Variants in SMAD9 observed in about 807,000 individuals in gnomAD.
The protein encoded by SMAD9 is SMAD family member 9.
SMAD9 carries 36 observed loss-of-function variants against 46.1 expected under a neutral mutation model. The ratio of observed to expected loss-of-function variants is 0.78; its 90% CI spans 0.60 to 1.03. The LOEUF (loss-of-function observed/expected upper bound fraction) is 1.03. SMAD9 is among the 50% of genes least tolerant of loss of function. The pLI is 0.00. For missense variants in SMAD9, 572 were observed against 599.8 expected (o/e 0.95, Z 0.48); for synonymous variants, 245 against 237.1 (o/e 1.03, Z -0.31).
Position 36,891,305 on chromosome 13 carries a change from C to T in SMAD9, c.-186-11430G>A, listed in dbSNP as rs514439. ...CAGTCAACAAGTATTTATTGAGACT[C>T]TATCATGCACTGGGTGCTGTGGCAT... On this transcript the variant is annotated intron_variant, in intron 1 of 6. Transcript: ENST00000379826. Among the ~76,000 whole-genome samples, 1,075 of 152,288 alleles carry T rather than the reference C, an allele frequency of 7.1e-3. 12 individuals carry two copies. Among genetic ancestry groups the T allele is most frequent in the African/African-American group, 0.025 (1,034 of 41,534 alleles).
chr13:36,872,851 C>T lies in SMAD9; in HGVS notation c.477G>A (p.Lys159=), dbSNP rs2058309343. The change falls in exon 3 of 7, where the codon AAG becomes AAA. Residue 159 remains lysine, a synonymous_variant. Coordinates refer to ENST00000379826, the MANE Select transcript of SMAD9 (RefSeq NM_001127217.3). ...EYNPQLSLLA[K]FRSASLHSEP... ...CACTGTGCAGGGAGGCGCTGCGGAA[C>T]TTGGCCAGGAGGCTGAGCTGGGGGT... 1 of 1,614,102 alleles carries T rather than the reference C, an allele frequency of 6.2e-7. No individual in the cohort carries two copies. Among genetic ancestry groups the T allele is most frequent in the Non-Finnish European group, 8.5e-7 (1 of 1,180,018 alleles).
rs1015971127 is a variant in SMAD9, at chr13:36,844,840, A to G, written c.*3836T>C. 2.0e-5 allele frequency: 3 copies of G among 152,230 alleles called. No homozygotes were observed. The highest frequency in any genetic ancestry group is 7.2e-5 in the African/African-American group (3 of 41,466). The allele number at this position is 152,230 out of a possible 1,614,324, so 9.4% of individuals were successfully genotyped here. Reference sequence around the variant, plus strand: ...AATGAGCCAAAAGACATATAAGTACAGTATTCTTTATTATAAACAATCAGA... The same window carrying G: ...AATGAGCCAAAAGACATATAAGTACGGTATTCTTTATTATAAACAATCAGA... On this transcript the variant is annotated 3_prime_UTR_variant, in exon 7 of 7. Coordinates refer to ENST00000379826, the MANE Select transcript of SMAD9 (RefSeq NM_001127217.3).
chr13:36,902,564 C>T (rs2058585258), intron 1 of SMAD9, among the ~76,000 whole-genome samples: 2 of 152,096 alleles, frequency 1.3e-5, no homozygotes, highest in African/African-American at 4.8e-5. Flanking sequence ...AGCGATTCTC[C>T]TGCCTCAGCC....
chr13:36,854,052 G>A (rs1181018499), intron 5 of SMAD9, among the ~76,000 whole-genome samples: 1 of 152,066 alleles, frequency 6.6e-6, no homozygotes, highest in South Asian at 2.1e-4. Context: ...CCAGCTACTC[G>A]GGAGGCTCAG....
intron 1 of SMAD9, among the ~76,000 whole-genome samples, chr13:36,917,145 A>G (rs986792818): frequency 6.6e-6 from 1 of 152,074 alleles, no homozygotes; most frequent in Non-Finnish European, 1.5e-5. Flanking sequence ...AGCAAGAAGA[A>G]CATCCAGTTT....
In SMAD9 at chr13:36,868,608, T is replaced by C. The variant is rs533037332; in HGVS notation, c.671-1225A>G. Among the ~76,000 whole-genome samples the C allele has an allele frequency of 7.9e-5, 12 of 152,180 alleles. No individual in the cohort carries two copies. In the East Asian group the frequency reaches 2.1e-3, roughly 27 times the overall value. ...TAAAAATTAGCTGGGCATGGTGGTG[T>C]ACACCTGTAATCCTAGCTACTCAGA... On this transcript the variant is annotated intron_variant, in intron 3 of 6. Coordinates refer to ENST00000379826, the MANE Select transcript of SMAD9 (RefSeq NM_001127217.3).
intron 1 of SMAD9, among the ~76,000 whole-genome samples, chr13:36,919,121 T>G (rs991988739): frequency 3.3e-5 from 5 of 152,232 alleles, no homozygotes; most frequent in African/African-American, 1.2e-4. Flanking sequence ...TTGTATCCTT[T>G]GTAGGTTAGT....
rs529807504 is a variant in SMAD9 at position 36,891,693 on chromosome 13, T to C, written c.-186-11818A>G. 3.9e-4 allele frequency among the ~76,000 whole-genome samples: 59 copies of C among 152,262 alleles called. 1 individual carries two copies. The South Asian group carries it at 8.5e-3, about 22-fold the overall frequency. On this transcript the variant is annotated intron_variant, in intron 1 of 6. Transcript: ENST00000379826. Reference sequence around the variant, plus strand: ...GTTCCCTAGGTCAGAGCTGGATGGATCCTAGGGCATAAGCTCAAGCTAATC... The same window carrying C: ...GTTCCCTAGGTCAGAGCTGGATGGACCCTAGGGCATAAGCTCAAGCTAATC...
chr13:36,879,606 A>G lies in SMAD9; in HGVS notation c.84T>C (p.Asp28=), dbSNP rs1413082158. Residue 28 remains aspartate (D), a synonymous_variant, in exon 2 of 7, where the codon GAT becomes GAC. Transcript: ENST00000379826. ...CCTTCTCTGCCCACTTTTCCTCTTC[A>G]TCTCCTTGCTTCCAGCCTAGCAGTC... ...VKRLLGWKQG[D]EEEKWAEKAV... is the part of the protein sequence containing the mutation. 6.2e-7 allele frequency: 1 copy of G among 1,613,858 alleles called. No homozygotes were observed. Among genetic ancestry groups the G allele is most frequent in the Non-Finnish European group, 8.5e-7 (1 of 1,180,012 alleles).
rs537806576 is a variant in SMAD9, at chr13:36,848,919, G to A, written c.1261-100C>T. On this transcript the variant is annotated intron_variant, in intron 6 of 6. Coordinates refer to ENST00000379826, the MANE Select transcript of SMAD9 (RefSeq NM_001127217.3). ...CGGGGCACAGAGCCCACACCCCAGC[G>A]TAGCTCCTGAGACCTGAGAGGGAGA... The A allele has an allele frequency of 2.7e-4, 315 of 1,186,166 alleles. 2 individuals are homozygous for A. The highest frequency in any genetic ancestry group is 1.7e-3 in the South Asian group (131 of 76,556). The allele number at this position is 1,186,166 out of a possible 1,614,324, so 73.5% of individuals were successfully genotyped here.
intron 4 of SMAD9, among the ~76,000 whole-genome samples, chr13:36,866,166 A>C (rs967530273): frequency 6.6e-6 from 1 of 152,168 alleles, no homozygotes. Flanking sequence ...TACTGTGCCC[A>C]CTTGAATCCT....
intron 4 of SMAD9, among the ~76,000 whole-genome samples, chr13:36,866,558 G>T (rs2058236653): frequency 6.6e-6 from 1 of 152,062 alleles, no homozygotes; most frequent in Non-Finnish European, 1.5e-5. Context: ...TCTAGAGTGT[G>T]TTCCTATATG....
intron 5 of SMAD9, among the ~76,000 whole-genome samples, chr13:36,858,420 C>T (rs12872221): frequency 0.022 from 3,335 of 152,266 alleles, 86 homozygotes; most frequent in South Asian, 0.12. Flanking sequence ...GAGGAAGAGG[C>T]ACCTTTTCCT....
upstream of SMAD9, chr13:36,920,347 G>C (rs1342571065): frequency 6.7e-6 from 1 of 149,730 alleles, no homozygotes; most frequent in Non-Finnish European, 1.5e-5. Context: ...GGCCGCTCCG[G>C]GAGCCGCAGA....
chr13:36,887,602 T>C (rs1360178539), intron 1 of SMAD9, among the ~76,000 whole-genome samples: 1 of 152,012 alleles, frequency 6.6e-6, no homozygotes, highest in Non-Finnish European at 1.5e-5. Flanking sequence ...GAAAACAATG[T>C]AGAAGGACAG....
Position 36,920,184 on chromosome 13 carries a change from A to AGCAGCGGCG in SMAD9, c.-264_-256dup, listed in dbSNP as rs1555247350. ...CGGCGGGGACCGAGACAGCGGCTGC[A>AGCAGCGGCG]GCAGCGGCGGCGGCGGCGGCGGCGG... On this transcript the variant is annotated 5_prime_UTR_variant, in exon 1 of 7. Coordinates refer to ENST00000379826, the MANE Select transcript of SMAD9 (RefSeq NM_001127217.3). 1 of 72,814 alleles carries AGCAGCGGCG rather than the reference A, an allele frequency of 1.4e-5. No homozygotes were observed. Among genetic ancestry groups the AGCAGCGGCG allele is most frequent in the African/African-American group, 3.2e-5 (1 of 31,502 alleles). The allele number at this position is 72,814 out of a possible 1,614,324, so 4.5% of individuals were successfully genotyped here.
At chr13:36,859,201 G>A (rs866054336) in intron 5 of SMAD9, among the ~76,000 whole-genome samples, 1 of 152,070 alleles carries the variant, frequency 6.6e-6, no homozygotes, top group Non-Finnish European at 1.5e-5. Context: ...TTTTTAAGAT[G>A]AGAAGCCTTA....
At chr13:36,863,307 T>G (rs2058201072) in intron 5 of SMAD9, among the ~76,000 whole-genome samples, 1 of 152,178 alleles carries the variant, frequency 6.6e-6, no homozygotes, top group Admixed American at 6.5e-5. Flanking sequence ...AAAAAAATTT[T>G]TTTCCACATT....
intron 1 of SMAD9, among the ~76,000 whole-genome samples, chr13:36,912,510 T>C (rs2058669550): frequency 6.6e-6 from 1 of 152,160 alleles, no homozygotes; most frequent in South Asian, 2.1e-4. Context: ...GAAGAGTGTA[T>C]TCAAAGTGGT....
Sources: allele counts gnomAD v4.1 joint callset (sites outside exome capture counted in the v4.1 genomes callset), GRCh38; gene constraint gnomAD v4.1.1; transcripts MANE v1.5; gene names NCBI Gene and HGNC (gene_info 2026-07-23, HGNC 2026-07-21).